KCNH7: variants seen among roughly 807,000 people sequenced by gnomAD.
KCNH7 encodes voltage-gated inwardly rectifying potassium channel KCNH7.
KCNH7 carries 49 observed loss-of-function variants against 120.8 expected under a neutral mutation model. That is an observed-to-expected ratio of 0.41 (90% CI 0.32 to 0.51). KCNH7 has a LOEUF of 0.51. Ranked by LOEUF, KCNH7 falls within the 20% of genes least tolerant of loss-of-function variation. The probability of loss-of-function intolerance (pLI) is 0.38; values close to 1 mark genes in which losing one functional copy is unlikely to be tolerated. For synonymous variants in KCNH7, 547 were observed against 516.1 expected (o/e 1.06, Z -0.81); for missense variants, 1,097 against 1,446.6 (o/e 0.76, Z 3.92).
intron 2 of KCNH7, among the ~76,000 whole-genome samples, chr2:162,597,217 C>T (rs1463881634): frequency 2.0e-5 from 3 of 151,986 alleles, no homozygotes; most frequent in Admixed American, 2.0e-4. Flanking sequence ...GAATTGAAAT[C>T]GATATACCGT....
At chr2:162,582,830 A>G (rs993809724) in intron 2 of KCNH7, among the ~76,000 whole-genome samples, 1 of 152,132 alleles carries the variant, frequency 6.6e-6, no homozygotes, top group Non-Finnish European at 1.5e-5. Context: ...TTTCCTACCC[A>G]GATAAGGAGA....
intron 2 of KCNH7, among the ~76,000 whole-genome samples, chr2:162,746,210 G>C (rs1260205430): frequency 6.6e-6 from 1 of 151,994 alleles, no homozygotes; most frequent in Non-Finnish European, 1.5e-5. Context: ...GGATATTGTG[G>C]AAAATGGGTT....
rs1689675243 is a variant in KCNH7 at position 162,474,684 on chromosome 2, T to C, written c.1129-28241A>G. Among the ~76,000 whole-genome samples the C allele has an allele frequency of 2.0e-5, 3 of 152,272 alleles. No individual in the cohort carries two copies. In the South Asian group the frequency reaches 6.2e-4, roughly 32 times the overall value. On this transcript the variant is annotated intron_variant, in intron 6 of 15. Coordinates refer to ENST00000332142, the MANE Select transcript of KCNH7 (RefSeq NM_033272.4). ...CATACTCTCTCTTAGGCTGTTGCTC[T>C]GGAGGAAACCAGCTGCCATGGTTGC...
intron 6 of KCNH7, among the ~76,000 whole-genome samples, chr2:162,477,669 A>G (rs2105668339): frequency 6.6e-6 from 1 of 152,304 alleles, no homozygotes; most frequent in Admixed American, 6.5e-5. Flanking sequence ...ATTTTCAGTA[A>G]TTTCATATTA....
chr2:162,807,848 A>G (rs1353384202), intron 2 of KCNH7, among the ~76,000 whole-genome samples: 1 of 151,908 alleles, frequency 6.6e-6, no homozygotes, highest in African/African-American at 2.4e-5. Flanking sequence ...ACACCCAGCT[A>G]ATTTTTGTAT....
At chr2:162,383,524 G>C (rs1686487380) in intron 13 of KCNH7, among the ~76,000 whole-genome samples, 1 of 151,894 alleles carries the variant, frequency 6.6e-6, no homozygotes, top group Non-Finnish European at 1.5e-5. Flanking sequence ...AAAATATAAA[G>C]CCTAAGTATC....
chr2:162,652,823 G>A (rs1684614061), intron 2 of KCNH7, among the ~76,000 whole-genome samples: 1 of 152,188 alleles, frequency 6.6e-6, no homozygotes, highest in African/African-American at 2.4e-5. Flanking sequence ...ATAAAAAGCT[G>A]CTTTTCTTTA....
At chr2:162,741,574 T>C (rs965011612) in intron 2 of KCNH7, among the ~76,000 whole-genome samples, 1 of 152,114 alleles carries the variant, frequency 6.6e-6, no homozygotes, top group African/African-American at 2.4e-5. Context: ...TTTTTGTAAT[T>C]CCATTTTAGT....
chr2:162,402,827 A>C (rs1687104258), intron 9 of KCNH7, among the ~76,000 whole-genome samples: 1 of 151,614 alleles, frequency 6.6e-6, no homozygotes, highest in Non-Finnish European at 1.5e-5. Flanking sequence ...GTGCATGCAC[A>C]TACACATACA....
chr2:162,689,143 C>CTATTATTATTATTATTAT lies in KCNH7; in HGVS notation c.307+147376_307+147393dup, dbSNP rs148007770. Among the ~76,000 whole-genome samples the CTATTATTATTATTATTAT allele has an allele frequency of 6.7e-3, 1,002 of 149,732 alleles. 3 individuals carry two copies. Among genetic ancestry groups the CTATTATTATTATTATTAT allele is most frequent in the African/African-American group, 0.016 (668 of 40,858 alleles). On this transcript the variant is annotated intron_variant, in intron 2 of 15. Coordinates refer to ENST00000332142, the MANE Select transcript of KCNH7 (RefSeq NM_033272.4). ...TTCATTATTGTATTACATTTAGTTACTATTATTATTATTATTATTATTATT... is the reference window on the plus strand; with the variant it reads ...TTCATTATTGTATTACATTTAGTTACTATTATTATTATTATTATTATTATTATTATTATTATTATTATT...
chr2:162,601,515 G>T (rs1449167718), intron 2 of KCNH7, among the ~76,000 whole-genome samples: 2 of 139,348 alleles, frequency 1.4e-5, no homozygotes, highest in African/African-American at 5.3e-5. Flanking sequence ...TATTCAATCT[G>T]TAGTTAAATG....
chr2:162,730,807 T>C (rs557242060), intron 2 of KCNH7, among the ~76,000 whole-genome samples: 42 of 152,004 alleles, frequency 2.8e-4, no homozygotes, highest in African/African-American at 1.0e-3. Context: ...TGAACATGGA[T>C]ACAAAAATCT....
At chr2:162,480,302 C>T (rs1482342763) in intron 6 of KCNH7, among the ~76,000 whole-genome samples, 1 of 152,092 alleles carries the variant, frequency 6.6e-6, no homozygotes, top group African/African-American at 2.4e-5. Context: ...CATTCATTCT[C>T]CTCCTTCAGC....
chr2:162,723,471 A>G (rs969339372), intron 2 of KCNH7, among the ~76,000 whole-genome samples: 2 of 152,246 alleles, frequency 1.3e-5, no homozygotes, highest in East Asian at 1.9e-4. Context: ...CCTGCCACAC[A>G]TGACAACCAG....
intron 2 of KCNH7, among the ~76,000 whole-genome samples, chr2:162,567,566 G>A (rs1297568189): frequency 6.6e-6 from 1 of 151,972 alleles, no homozygotes; most frequent in African/African-American, 2.4e-5. Flanking sequence ...GGCAGGAAAT[G>A]ATATAAAAGC....
chr2:162,517,813 A>G lies in KCNH7; in HGVS notation c.809T>C (p.Ile270Thr). ...HSRSRESLCSIRRASSVHDIE... is the reference protein window; with the variant it reads ...HSRSRESLCSTRRASSVHDIE... Reference sequence around the variant, plus strand: ...ATCATGGACCGAAGATGCTCTCCGTATACTACATAAGCTTTCCCTTGATCT... The same window carrying G: ...ATCATGGACCGAAGATGCTCTCCGTGTACTACATAAGCTTTCCCTTGATCT... Residue 270 changes from isoleucine to threonine, a missense_variant, in exon 4 of 16, where the codon ATA (isoleucine) becomes ACA (threonine). Ile to Thr is a moderately conservative substitution (Grantham distance 89, BLOSUM62 -1). This residue lies in a region of KCNH7 where 362 missense variants were observed against 372.2 expected (regional missense o/e 0.97). Coordinates refer to ENST00000332142, the MANE Select transcript of KCNH7 (RefSeq NM_033272.4). 6.2e-7 allele frequency: 1 copy of G among 1,611,964 alleles called. No homozygotes were observed. Among genetic ancestry groups the G allele is most frequent in the East Asian group, 2.2e-5 (1 of 44,688 alleles).
chr2:162,403,607 A>G (rs1430665359), intron 9 of KCNH7, among the ~76,000 whole-genome samples: 1 of 151,962 alleles, frequency 6.6e-6, no homozygotes, highest in Non-Finnish European at 1.5e-5. Context: ...GGAAAGGATA[A>G]CATCAAGTTG....
intron 2 of KCNH7, among the ~76,000 whole-genome samples, chr2:162,702,076 A>T (rs774491511): frequency 3.1e-4 from 47 of 152,108 alleles, no homozygotes; most frequent in Non-Finnish European, 5.7e-4. Context: ...TAGTTCAGTC[A>T]ATTTCAATTT....
At chr2:162,800,973 T>G (rs1375111092) in intron 2 of KCNH7, among the ~76,000 whole-genome samples, 1 of 151,892 alleles carries the variant, frequency 6.6e-6, no homozygotes, top group Non-Finnish European at 1.5e-5. Flanking sequence ...TTTCTCTCCT[T>G]GTAAGAAAGG....
Sources: gnomAD v4.1 joint callset for allele counts (sites outside exome capture counted in the v4.1 genomes callset) on GRCh38, gnomAD v4.1.1 for gene constraint, gnomAD v4.1.1 regional missense constraint, MANE v1.5 for transcripts, NCBI Gene and HGNC (gene_info 2026-07-23, HGNC 2026-07-21) for gene names.